TANC2: variants seen among roughly 807,000 people sequenced by gnomAD.
TANC2 encodes tetratricopeptide repeat, ankyrin repeat and coiled-coil containing 2.
TANC2 carries 26 observed loss-of-function variants against 210.5 expected under a neutral mutation model. The observed-to-expected ratio is 0.12, with a 90% CI of 0.09 to 0.17. The LOEUF (loss-of-function observed/expected upper bound fraction) is 0.17, where lower values mean the gene tolerates loss of function less well. Ranked by LOEUF, TANC2 falls within the 10% of genes least tolerant of loss-of-function variation. TANC2 has a pLI of 1.00. For missense variants in TANC2, 2,129 were observed against 2,608.9 expected (o/e 0.82, Z 4.01); for synonymous variants, 931 against 967.1 (o/e 0.96, Z 0.69).
In TANC2 at chr17:62,976,151, AT is replaced by A. The variant is rs200210650; in HGVS notation, c.-24+9410del. On this transcript the variant is annotated intron_variant, in intron 1 of 27. Transcript: ENST00000689528. The stretch of plus-strand genomic sequence containing the variant: ...ACTGCTGGGCCTACTCTTTTTATGC[AT>A]TTTTTTTGGACTATTTCTTTTGAAC... Among the ~76,000 whole-genome samples the A allele has an allele frequency of 3.1e-3, 476 of 151,978 alleles. 3 individuals are homozygous for A. The highest frequency in any genetic ancestry group is 3.8e-3 in the Non-Finnish European group (261 of 67,930).
intron 4 of TANC2, among the ~76,000 whole-genome samples, chr17:63,141,029 C>T (rs752684410): frequency 5.9e-5 from 9 of 151,626 alleles, no homozygotes; most frequent in Admixed American, 2.6e-4. Context: ...GGATTACAGG[C>T]GCAAGCCACC....
In TANC2 at chr17:63,212,721, C is replaced by T. The variant is rs555826704; in HGVS notation, c.769+11764C>T. 1.2e-3 allele frequency among the ~76,000 whole-genome samples: 182 copies of T among 152,292 alleles called. 1 individual carries two copies. Among genetic ancestry groups the T allele is most frequent in the African/African-American group, 4.2e-3 (174 of 41,556 alleles). Reference sequence around the variant, plus strand: ...TGCTGGGATTATAGGCATGAGCCACCGTGCCCGACCCTCTTTGCTTTTAAA... The same window carrying T: ...TGCTGGGATTATAGGCATGAGCCACTGTGCCCGACCCTCTTTGCTTTTAAA... On this transcript the variant is annotated intron_variant, in intron 7 of 27. Transcript: ENST00000689528.
chr17:63,042,740 T>C (rs1182382795), intron 2 of TANC2, among the ~76,000 whole-genome samples: 2 of 152,110 alleles, frequency 1.3e-5, no homozygotes, highest in African/African-American at 4.8e-5. Flanking sequence ...CTGAGGGTAT[T>C]GTTTATGAAT....
chr17:63,395,932 A>G lies in TANC2; in HGVS notation c.3237+4A>G. On this transcript the variant is annotated splice_donor_region_variant and intron_variant, in intron 18 of 27. Transcript: ENST00000689528. Reference sequence around the variant, plus strand: ...AGCCAGCATGGGTTATACTGAGGTAAGAAGTAGGCAATAGGATTGTTTTTT... The same window carrying G: ...AGCCAGCATGGGTTATACTGAGGTAGGAAGTAGGCAATAGGATTGTTTTTT... 1 of 1,602,138 alleles carries G rather than the reference A, an allele frequency of 6.2e-7. No individual in the cohort carries two copies. The highest frequency in any genetic ancestry group is 8.5e-7 in the Non-Finnish European group (1 of 1,173,636).
chr17:63,170,008 A>G (rs1466296810), intron 5 of TANC2, among the ~76,000 whole-genome samples: 2 of 151,428 alleles, frequency 1.3e-5, no homozygotes, highest in Non-Finnish European at 2.9e-5. Context: ...AGTCCCAGCT[A>G]CTCGGGAGGC....
chr17:63,236,635 A>G (rs949361250), intron 7 of TANC2, among the ~76,000 whole-genome samples: 1 of 152,112 alleles, frequency 6.6e-6, no homozygotes, highest in Non-Finnish European at 1.5e-5. Flanking sequence ...GTAATTTCTC[A>G]TCATCCACCT....
chr17:63,375,577 C>G (rs2047399083), intron 14 of TANC2, among the ~76,000 whole-genome samples: 1 of 152,132 alleles, frequency 6.6e-6, no homozygotes, highest in Non-Finnish European at 1.5e-5. Context: ...TTCAGAAGTT[C>G]TAGTCACAGT....
chr17:63,375,353 T>A (rs564870029), intron 14 of TANC2, among the ~76,000 whole-genome samples: 1 of 152,242 alleles, frequency 6.6e-6, no homozygotes, highest in Non-Finnish European at 1.5e-5. Flanking sequence ...CAAGCAGTTA[T>A]CTCTAGCCAG....
intron 7 of TANC2, among the ~76,000 whole-genome samples, chr17:63,214,664 A>G (rs1171052942): frequency 6.6e-6 from 1 of 152,176 alleles, no homozygotes; most frequent in Non-Finnish European, 1.5e-5. Flanking sequence ...TGTTTTATAC[A>G]GGTACTAATC....
intron 9 of TANC2, among the ~76,000 whole-genome samples, chr17:63,273,337 ATAT>A (rs1405185589): frequency 1.3e-5 from 2 of 152,252 alleles, no homozygotes; most frequent in Admixed American, 6.5e-5. Flanking sequence ...GGATAAATTG[ATAT>A]TATCATATTA....
Position 62,966,386 on chromosome 17 carries a change from C to T in TANC2, c.-387C>T, listed in dbSNP as rs1408329810. On this transcript the variant is annotated 5_prime_UTR_variant, in exon 1 of 28. Transcript: ENST00000689528. The surrounding 1 kb of genome is among the most constrained non-coding windows in gnomAD (Gnocchi z 5.1). ...CCGGCCTAGGGCCGCTGGCGCTGCC[C>T]TCCCGCCGCCACCGCCCTCCGCGCC... 2.7e-5 allele frequency among the ~76,000 whole-genome samples: 4 copies of T among 147,554 alleles called. No homozygotes were observed. Among genetic ancestry groups the T allele is most frequent in the African/African-American group, 7.3e-5 (3 of 40,992 alleles).
chr17:63,108,367 A>G (rs2037905212), intron 4 of TANC2, among the ~76,000 whole-genome samples: 1 of 151,920 alleles, frequency 6.6e-6, no homozygotes, highest in East Asian at 1.9e-4. Flanking sequence ...ATATGCCTGT[A>G]TCCAGATATT....
chr17:63,182,423 G>T, intron 5 of TANC2: 1 of 260,656 alleles, frequency 3.8e-6, no homozygotes, highest in South Asian at 5.7e-5. Context: ...AAGTCATTTT[G>T]ACAGTTCGTT....
chr17:63,110,408 C>G (rs2037990209), intron 4 of TANC2, among the ~76,000 whole-genome samples: 1 of 151,664 alleles, frequency 6.6e-6, no homozygotes, highest in South Asian at 2.1e-4. Flanking sequence ...TCAGAGTTGT[C>G]TTAATTTGTT....
intron 2 of TANC2, among the ~76,000 whole-genome samples, chr17:63,068,700 C>A (rs1460961271): frequency 6.6e-6 from 1 of 152,014 alleles, no homozygotes; most frequent in Non-Finnish European, 1.5e-5. Flanking sequence ...ATTACACTTA[C>A]ATAGTATAAA....
At chr17:63,057,279 T>C (rs2035839489) in intron 2 of TANC2, among the ~76,000 whole-genome samples, 2 of 152,336 alleles carry the variant, frequency 1.3e-5, no homozygotes, top group South Asian at 4.1e-4. Context: ...AGAAGTATAC[T>C]TAAATTAAAT....
chr17:63,231,061 C>CTGT (rs2042462819), intron 7 of TANC2, among the ~76,000 whole-genome samples: 1 of 152,022 alleles, frequency 6.6e-6, no homozygotes, highest in Non-Finnish European at 1.5e-5. Flanking sequence ...GGTTTAAAGT[C>CTGT]TGTTTTGTCA....
At chr17:63,041,497 A>T (rs1179621265) in intron 2 of TANC2, among the ~76,000 whole-genome samples, 2 of 152,114 alleles carry the variant, frequency 1.3e-5, no homozygotes, top group East Asian at 3.9e-4. Flanking sequence ...TGCCTCGGAG[A>T]TGGGAAGGGG....
intron 11 of TANC2, chr17:63,332,297 C>T (rs2045883896): frequency 1.5e-5 from 5 of 329,892 alleles, no homozygotes; most frequent in South Asian, 1.1e-4. Context: ...TTTTTCTTCT[C>T]CCCTTCCCCT....
Sources: gnomAD v4.1 joint callset for allele counts (sites outside exome capture counted in the v4.1 genomes callset) on GRCh38, gnomAD v4.1.1 for gene constraint, Gnocchi (gnomAD v3.1) non-coding constraint, MANE v1.5 for transcripts, NCBI Gene and HGNC (gene_info 2026-07-23, HGNC 2026-07-21) for gene names.